COL5A1: variants seen among roughly 807,000 people sequenced by gnomAD.
COL5A1 encodes collagen alpha-1(V) chain.
COL5A1 carries 16 observed loss-of-function variants against 263.7 expected under a neutral mutation model. The observed-to-expected ratio is 0.06, with a 90% CI of 0.04 to 0.09. COL5A1 has a LOEUF of 0.09. Among genes scored for constraint, COL5A1 ranks in the 10% least tolerant of loss-of-function variants. The probability of loss-of-function intolerance (pLI) is 1.00; values close to 1 mark genes in which losing one functional copy is unlikely to be tolerated. For synonymous variants in COL5A1, 1,012 were observed against 1,004.5 expected (o/e 1.01, Z -0.14); for missense variants, 2,036 against 2,540.5 (o/e 0.80, Z 4.27).
intron 28 of COL5A1, chr9:134,782,442 G>T: frequency 1.6e-6 from 1 of 637,786 alleles, no homozygotes. Flanking sequence ...CCAAGAAGCA[G>T]GGACGCAGCT....
intron 63 of COL5A1, among the ~76,000 whole-genome samples, chr9:134,828,978 AC>A (rs1289451471): frequency 4.0e-5 from 6 of 149,906 alleles, no homozygotes; most frequent in African/African-American, 1.3e-4. Context: ...ACACAGACAT[AC>A]CCCCCACACC....
At chr9:134,653,298 G>A (rs1831759251) in intron 1 of COL5A1, 1 of 153,158 alleles carries the variant, frequency 6.5e-6, no homozygotes, top group South Asian at 2.1e-4. Context: ...GTTTGGCCAT[G>A]AGATTCTGCT....
intron 59 of COL5A1, among the ~76,000 whole-genome samples, chr9:134,822,671 G>T (rs1481033032): frequency 6.0e-5 from 9 of 150,776 alleles, no homozygotes; most frequent in Admixed American, 5.9e-4. Flanking sequence ...GGGCTGGGGG[G>T]TGCATTCCAT....
At chr9:134,823,363 A>G in intron 60 of COL5A1, 53 bp from the exon 61 acceptor site, 8 of 1,597,328 alleles carry the variant, frequency 5.0e-6, no homozygotes, top group Non-Finnish European at 6.9e-6. Flanking sequence ...AGGTGGATTC[A>G]AAGTCCCCTC....
At chr9:134,760,884 C>T (rs1324544340) in intron 18 of COL5A1, among the ~76,000 whole-genome samples, 1 of 149,344 alleles carries the variant, frequency 6.7e-6, no homozygotes, top group African/African-American at 2.5e-5. Flanking sequence ...CAGACGCATA[C>T]ATACCCACAC....
chr9:134,799,653 C>A (rs1057242047), intron 37 of COL5A1, among the ~76,000 whole-genome samples: 2 of 152,210 alleles, frequency 1.3e-5, no homozygotes, highest in Non-Finnish European at 2.9e-5. Context: ...TCCCCTTTGT[C>A]TCTCTTTGGT....
intron 1 of COL5A1, among the ~76,000 whole-genome samples, chr9:134,656,818 G>A (rs559517795): frequency 6.7e-6 from 1 of 150,226 alleles, no homozygotes; most frequent in Non-Finnish European, 1.5e-5. Context: ...GCCCAGCCAG[G>A]GACCTCAGAG....
At chr9:134,740,925 G>T (rs1219181484) in intron 11 of COL5A1, among the ~76,000 whole-genome samples, 1 of 152,156 alleles carries the variant, frequency 6.6e-6, no homozygotes, top group Non-Finnish European at 1.5e-5. Context: ...CTCCTCCAGG[G>T]TCTGCCATCC....
intron 13 of COL5A1, among the ~76,000 whole-genome samples, chr9:134,751,749 A>G (rs1835788042): frequency 6.6e-6 from 1 of 152,220 alleles, no homozygotes; most frequent in Non-Finnish European, 1.5e-5. Flanking sequence ...TGCAGCTCCC[A>G]CAGCAGCCAG....
chr9:134,665,589 G>T (rs979236573), intron 1 of COL5A1, among the ~76,000 whole-genome samples: 1 of 152,204 alleles, frequency 6.6e-6, no homozygotes, highest in Non-Finnish European at 1.5e-5. Flanking sequence ...ACAGGCTGCA[G>T]GTCTCTCCTG....
At chr9:134,669,038 A>C (rs928694247) in intron 1 of COL5A1, among the ~76,000 whole-genome samples, 3 of 139,374 alleles carry the variant, frequency 2.2e-5, no homozygotes, top group Non-Finnish European at 4.6e-5. Flanking sequence ...CCATTTACTC[A>C]CCTATCCATT....
chr9:134,717,555 C>T (rs750940197), intron 4 of COL5A1, among the ~76,000 whole-genome samples: 1 of 152,200 alleles, frequency 6.6e-6, no homozygotes, highest in Non-Finnish European at 1.5e-5. Flanking sequence ...CTCCGTCCCT[C>T]CCAGTCAGCG....
At chr9:134,831,089 C>T (rs1386592897) in intron 64 of COL5A1, among the ~76,000 whole-genome samples, 6 of 152,196 alleles carry the variant, frequency 3.9e-5, no homozygotes, top group South Asian at 2.1e-4. Flanking sequence ...GAAGGCAGCC[C>T]GTGGGTTCTG....
chr9:134,784,532 G>A (rs1837379505), intron 29 of COL5A1, among the ~76,000 whole-genome samples: 1 of 152,240 alleles, frequency 6.6e-6, no homozygotes, highest in South Asian at 2.1e-4. Flanking sequence ...TGCTCGTTAT[G>A]CCCAGGTAAC....
chr9:134,749,428 G>T (rs1323875606), intron 11 of COL5A1, among the ~76,000 whole-genome samples: 1 of 152,188 alleles, frequency 6.6e-6, no homozygotes, highest in Non-Finnish European at 1.5e-5. Flanking sequence ...CATTTCACAA[G>T]AAATGGAGTT....
chr9:134,804,828 C>T, intron 39 of COL5A1, 147 bp from the exon 40 acceptor site: 4 of 727,658 alleles, frequency 5.5e-6, no homozygotes, highest in Non-Finnish European at 9.6e-6. Context: ...AGAGAAGGCC[C>T]CAACCCTTGG....
At chr9:134,822,182 G>A (rs376418628) in intron 59 of COL5A1, 32 bp downstream of exon 59, 256 of 1,404,714 alleles carry the variant, frequency 1.8e-4, no homozygotes, top group South Asian at 1.4e-3. Flanking sequence ...GGTCATTCCT[G>A]GGAGGGCAGG....
rs912142907 is a variant in COL5A1, at chr9:134,642,883, G to A, written c.109+587G>A. The stretch of plus-strand genomic sequence containing the variant: ...CACCTAAGTGTTCGGGGGCACTGGG[G>A]ACCCCTGCAGGGTGGTAGACAGCCC... On this transcript the variant is annotated intron_variant, in intron 1 of 65. Coordinates refer to ENST00000371817, the MANE Select transcript of COL5A1 (RefSeq NM_000093.5). This position sits in a 1 kb window ranked among gnomAD's most constrained non-coding sequence, Gnocchi z 4.5. Among the ~76,000 whole-genome samples, 2 of 152,240 alleles carry A rather than the reference G, an allele frequency of 1.3e-5. No homozygotes were observed. Among genetic ancestry groups the A allele is most frequent in the Non-Finnish European group, 2.9e-5 (2 of 68,042 alleles).
intron 63 of COL5A1, among the ~76,000 whole-genome samples, chr9:134,827,981 C>G (rs1588603679): frequency 6.6e-6 from 1 of 152,194 alleles, no homozygotes; most frequent in African/African-American, 2.4e-5. Context: ...TTCTGGCCTT[C>G]TTGGCACAAG....
Sources: gnomAD v4.1 joint callset for allele counts (sites outside exome capture counted in the v4.1 genomes callset) on GRCh38, gnomAD v4.1.1 for gene constraint, Gnocchi (gnomAD v3.1) non-coding constraint, MANE v1.5 for transcripts, NCBI Gene and HGNC (gene_info 2026-07-23, HGNC 2026-07-21) for gene names.